NCAM1: variants seen among roughly 807,000 people sequenced by gnomAD.
NCAM1 encodes the protein neural cell adhesion molecule 1.
In NCAM1, 14 loss-of-function variants were observed where a neutral mutation model predicts 109.8. That is an observed-to-expected ratio of 0.13 (90% CI 0.08 to 0.20). The LOEUF (loss-of-function observed/expected upper bound fraction) is 0.20. Ranked by LOEUF, NCAM1 falls within the 10% of genes least tolerant of loss-of-function variation. NCAM1 has a pLI of 1.00. For synonymous variants in NCAM1, 418 were observed against 442.9 expected (o/e 0.94, Z 0.70); for missense variants, 774 against 1,109.9 (o/e 0.70, Z 4.30).
intron 1 of NCAM1, among the ~76,000 whole-genome samples, chr11:113,171,246 C>T (rs1316461440): frequency 6.6e-6 from 1 of 152,148 alleles, no homozygotes; most frequent in African/African-American, 2.4e-5. Flanking sequence ...GTGGCAGAGC[C>T]AGAATTTGAA....
At chr11:113,271,638 A>C (rs1555125357) in intron 18 of NCAM1, 122 bp from the exon 19 acceptor site, 1 of 638,682 alleles carries the variant, frequency 1.6e-6, no homozygotes, top group East Asian at 3.0e-5. Flanking sequence ...AGACTTATAC[A>C]TTTGAATCTG....
intron 1 of NCAM1, among the ~76,000 whole-genome samples, chr11:113,122,256 A>C (rs1423735528): frequency 1.3e-5 from 2 of 152,184 alleles, no homozygotes; most frequent in African/African-American, 2.4e-5. Context: ...TGGTTTATCG[A>C]CTAGTCTGAA....
Position 113,270,174 on chromosome 11 carries a change from C to G in NCAM1, c.2132-14C>G. On this transcript the variant is annotated splice_polypyrimidine_tract_variant and intron_variant, in intron 17 of 19. Transcript: ENST00000316851. Reference sequence around the variant, plus strand: ...TCAGTCTGTTAACCACCAGCCATCTCTCTCCCACTCAAGCCAACGGCAGCC... The same window carrying G: ...TCAGTCTGTTAACCACCAGCCATCTGTCTCCCACTCAAGCCAACGGCAGCC... 1 of 1,613,604 alleles carries G rather than the reference C, an allele frequency of 6.2e-7. No homozygotes were observed. Among genetic ancestry groups the G allele is most frequent in the Non-Finnish European group, 8.5e-7 (1 of 1,179,712 alleles).
intron 1 of NCAM1, among the ~76,000 whole-genome samples, chr11:113,124,503 C>T (rs1358007497): frequency 6.6e-6 from 1 of 152,180 alleles, no homozygotes; most frequent in Non-Finnish European, 1.5e-5. Context: ...TAGCTAAGTC[C>T]CTCTCTGTAC....
rs114172950 is a variant in NCAM1 at position 113,180,633 on chromosome 11, C to T, written c.53-21746C>T. The stretch of plus-strand genomic sequence containing the variant: ...AGCACTAAGTTTTTCTTCCACTCTA[C>T]TCTGAAGCAAAAACAGCAAGGACTT... On this transcript the variant is annotated intron_variant, in intron 1 of 19. Transcript: ENST00000316851. Among the ~76,000 whole-genome samples, 350 of 152,308 alleles carry T rather than the reference C, an allele frequency of 2.3e-3. 1 individual carries two copies. Among genetic ancestry groups the T allele is most frequent in the African/African-American group, 8.2e-3 (339 of 41,570 alleles).
At chr11:113,199,338 T>G (rs1465695629) in intron 1 of NCAM1, among the ~76,000 whole-genome samples, 4 of 151,978 alleles carry the variant, frequency 2.6e-5, no homozygotes, top group Non-Finnish European at 4.4e-5. Flanking sequence ...CAGCAAGCAA[T>G]GGAGGGAAGG....
At chr11:113,178,549 G>C (rs1223858140) in intron 1 of NCAM1, among the ~76,000 whole-genome samples, 1 of 152,208 alleles carries the variant, frequency 6.6e-6, no homozygotes. Context: ...CTTCATCCGG[G>C]AGGCCAATTA....
chr11:113,272,833 A>G, intron 19 of NCAM1: 1 of 428,498 alleles, frequency 2.3e-6, no homozygotes. Flanking sequence ...GCATGCCCCC[A>G]CCCCCATGGT....
At chr11:113,163,931 G>A (rs1360753509) in intron 1 of NCAM1, among the ~76,000 whole-genome samples, 1 of 152,106 alleles carries the variant, frequency 6.6e-6, no homozygotes, top group Non-Finnish European at 1.5e-5. Flanking sequence ...GAGGTGCTGG[G>A]TGCCATGAGA....
In NCAM1 at chr11:113,144,657, C is replaced by T. The variant is rs115783775; in HGVS notation, c.53-57722C>T. 2.5e-3 allele frequency among the ~76,000 whole-genome samples: 379 copies of T among 152,270 alleles called. 1 individual carries two copies. Among genetic ancestry groups the T allele is most frequent in the African/African-American group, 8.7e-3 (362 of 41,546 alleles). On this transcript the variant is annotated intron_variant, in intron 1 of 19. Coordinates refer to ENST00000316851, the MANE Select transcript of NCAM1 (RefSeq NM_181351.5). ...TATGTTGGATTTTAATTATAAAGATCGGTTCAGCATTTGTATTTTCTGGGT... is the reference window on the plus strand; with the variant it reads ...TATGTTGGATTTTAATTATAAAGATTGGTTCAGCATTTGTATTTTCTGGGT...
rs984516284 is a variant in NCAM1, at chr11:113,235,565, G to A, written c.1825+401G>A. Among the ~76,000 whole-genome samples the A allele has an allele frequency of 2.0e-5, 3 of 152,232 alleles. No individual in the cohort carries two copies. In the South Asian group the frequency reaches 6.2e-4, roughly 32 times the overall value. On this transcript the variant is annotated intron_variant, in intron 14 of 19. Coordinates refer to ENST00000316851, the MANE Select transcript of NCAM1 (RefSeq NM_181351.5). ...CAGGAAGAGGGTAAAGATGGTGACAGTTCACATAATGCATTGCGGGATCTT... is the reference window on the plus strand; with the variant it reads ...CAGGAAGAGGGTAAAGATGGTGACAATTCACATAATGCATTGCGGGATCTT...
intron 17 of NCAM1, among the ~76,000 whole-genome samples, chr11:113,265,857 G>T (rs191044486): frequency 1.3e-5 from 2 of 152,260 alleles, no homozygotes; most frequent in Admixed American, 1.3e-4. Flanking sequence ...TAAAATGTGA[G>T]ACCCATGTTC....
At chr11:113,134,365 A>G (rs1346484231) in intron 1 of NCAM1, among the ~76,000 whole-genome samples, 1 of 151,974 alleles carries the variant, frequency 6.6e-6, no homozygotes, top group Non-Finnish European at 1.5e-5. Context: ...TATAGACCAC[A>G]TTTTGTTTAT....
chr11:113,117,367 A>G (rs1940756050), intron 1 of NCAM1, among the ~76,000 whole-genome samples: 1 of 151,970 alleles, frequency 6.6e-6, no homozygotes. Context: ...GGTAAGTTAC[A>G]CTGTTGTTAG....
intron 1 of NCAM1, among the ~76,000 whole-genome samples, chr11:113,138,354 T>G (rs942485607): frequency 9.2e-5 from 14 of 152,334 alleles, no homozygotes; most frequent in Non-Finnish European, 2.1e-4. Context: ...GTTATCTCAG[T>G]CCAGCATCTG....
In NCAM1 at chr11:112,962,424, T is replaced by TG. The variant is rs1355841697; in HGVS notation, c.52+764dup. Among the ~76,000 whole-genome samples, 2 of 151,370 alleles carry TG rather than the reference T, an allele frequency of 1.3e-5. No homozygotes were observed. Among genetic ancestry groups the TG allele is most frequent in the Non-Finnish European group, 2.9e-5 (2 of 67,822 alleles). On this transcript the variant is annotated intron_variant, in intron 1 of 19. Transcript: ENST00000316851. The surrounding 1 kb of genome is among the most constrained non-coding windows in gnomAD (Gnocchi z 5.6). ...GGGCGGAGGGCGAGGAGGGCGTGAT[T>TG]GGGGCTGCCTGGTGTGTGCGCGCGC...
intron 1 of NCAM1, among the ~76,000 whole-genome samples, chr11:113,061,082 C>A (rs1555083378): frequency 6.6e-6 from 1 of 152,152 alleles, no homozygotes; most frequent in African/African-American, 2.4e-5. Context: ...TCCCTACAAC[C>A]CCTAGCCACT....
rs144922676 is a variant in NCAM1 at position 113,116,218 on chromosome 11, C to T, written c.53-86161C>T. 5.2e-3 allele frequency among the ~76,000 whole-genome samples: 797 copies of T among 152,290 alleles called. 4 individuals are homozygous for T. Among genetic ancestry groups the T allele is most frequent in the African/African-American group, 0.018 (753 of 41,568 alleles). On this transcript the variant is annotated intron_variant, in intron 1 of 19. Transcript: ENST00000316851. ...TATATTTGTAGCACTTAGCACAATG[C>T]GTTACTCAAAAGTACTCTAAAACTA... is the stretch of plus-strand genomic sequence containing the variant.
intron 1 of NCAM1, among the ~76,000 whole-genome samples, chr11:113,020,274 C>G (rs1326313423): frequency 6.6e-6 from 1 of 152,074 alleles, no homozygotes; most frequent in Non-Finnish European, 1.5e-5. Flanking sequence ...GAATACCTAC[C>G]TCATTTGACC....
Sources: gnomAD v4.1 joint callset for allele counts (sites outside exome capture counted in the v4.1 genomes callset) on GRCh38, gnomAD v4.1.1 for gene constraint, Gnocchi (gnomAD v3.1) non-coding constraint, MANE v1.5 for transcripts, NCBI Gene and HGNC (gene_info 2026-07-23, HGNC 2026-07-21) for gene names.